NRXN2: variants seen among roughly 807,000 people sequenced by gnomAD.
The protein encoded by NRXN2 is neurexin-2-beta.
In NRXN2, 29 loss-of-function variants were observed where a neutral mutation model predicts 128.8. The ratio of observed to expected loss-of-function variants is 0.23; its 90% confidence interval spans 0.17 to 0.31. The LOEUF is 0.31. Ranked by LOEUF, NRXN2 falls within the 10% of genes least tolerant of loss-of-function variation. The probability of loss-of-function intolerance (pLI) is 1.00; values close to 1 mark genes in which losing one functional copy is unlikely to be tolerated. For synonymous variants in NRXN2, 1,098 were observed against 1,075.2 expected, an observed-to-expected ratio of 1.02 and a Z score of -0.41; for missense variants, 1,881 against 2,452.6, an observed-to-expected ratio of 0.77 and a Z score of 4.92.
intron 2 of NRXN2, among the ~76,000 whole-genome samples, chr11:64,702,338 G>C (rs1285222798): frequency 5.3e-5 from 8 of 152,148 alleles, no homozygotes; most frequent in Admixed American, 1.3e-4. Flanking sequence ...TGATGACAAT[G>C]GCGGTTTTGT....
chr11:64,713,516 T>G lies in NRXN2; in HGVS notation c.184A>C (p.Thr62Pro). ...ELSFSLRTNA[T>P]RALLLYLDDG... ...TCCAGGTAGAGCAGCAGCGCGCGCG[T>G]GGCGTTGGTGCGCAGGCTGAAGCTG... Residue 62 changes from threonine to proline, a missense_variant, in exon 2 of 23, where the codon ACG becomes CCG. Coordinates refer to ENST00000265459, the MANE Select transcript of NRXN2 (RefSeq NM_015080.4). 1 of 1,511,902 alleles carries G rather than the reference T, an allele frequency of 6.6e-7. No individual in the cohort carries two copies. The highest frequency in any genetic ancestry group is 1.2e-5 in the South Asian group (1 of 81,734). 93.7% of individuals were successfully genotyped at this position (1,511,902 alleles called of 1,614,324 possible).
chr11:64,611,693 C>A (rs1351172064), intron 22 of NRXN2, among the ~76,000 whole-genome samples: 1 of 152,196 alleles, frequency 6.6e-6, no homozygotes, highest in Non-Finnish European at 1.5e-5. Context: ...TCGGGTCACC[C>A]TTCTGCAGCC....
At chr11:64,618,818 C>T (rs2041908570) in intron 22 of NRXN2, among the ~76,000 whole-genome samples, 1 of 152,234 alleles carries the variant, frequency 6.6e-6, no homozygotes, top group Admixed American at 6.5e-5. Flanking sequence ...GGCAGCTCCC[C>T]TGAAGGTCCC....
chr11:64,612,143 C>T (rs1038073186), intron 22 of NRXN2, among the ~76,000 whole-genome samples: 1 of 152,164 alleles, frequency 6.6e-6, no homozygotes, highest in African/African-American at 2.4e-5. Context: ...CCGGATCACA[C>T]ACCAGTTCAG....
At chr11:64,656,341 C>T (rs746838266) in intron 11 of NRXN2, among the ~76,000 whole-genome samples, 37 of 149,794 alleles carry the variant, frequency 2.5e-4, no homozygotes, top group Non-Finnish European at 4.5e-4. Context: ...AAAACACAAA[C>T]GGGAGTTAGA....
intron 9 of NRXN2, chr11:64,661,412 CCTCAGCAAGTCCTCAGAGGATAGG>C: frequency 7.3e-7 from 1 of 1,370,362 alleles, no homozygotes; most frequent in Non-Finnish European, 9.4e-7. Flanking sequence ...CTCCTCCCCA[CCTCAGCAAGTCCTCAGAGGATAGG>C]CAGGAAGTGG....
chr11:64,614,818 C>A (rs541635348), intron 22 of NRXN2, among the ~76,000 whole-genome samples: 1 of 152,240 alleles, frequency 6.6e-6, no homozygotes, highest in South Asian at 2.1e-4. Context: ...ACATATGGGT[C>A]CCCATTCCAG....
chr11:64,641,906 CG>C (rs1431597521), intron 17 of NRXN2, among the ~76,000 whole-genome samples: 3 of 151,414 alleles, frequency 2.0e-5, no homozygotes, highest in Non-Finnish European at 4.4e-5. Context: ...GGGAGAATGG[CG>C]GGACAGTGGA....
rs537640109 is a variant in NRXN2, at chr11:64,715,537, C to T, written c.-244-1594G>A. On this transcript the variant is annotated intron_variant, in intron 1 of 22. Transcript: ENST00000265459. ...CCCCTAAAAAACCATAGTGAGGGGGCGTCTGGAGAGTGACACGTGTGCAGA... is the reference window on the plus strand; with the variant it reads ...CCCCTAAAAAACCATAGTGAGGGGGTGTCTGGAGAGTGACACGTGTGCAGA... 7.2e-5 allele frequency among the ~76,000 whole-genome samples: 11 copies of T among 152,208 alleles called. No homozygotes were observed. In the East Asian group the frequency reaches 1.7e-3, roughly 24 times the overall value.
chr11:64,629,308 C>T (rs2043525138), intron 19 of NRXN2, among the ~76,000 whole-genome samples: 1 of 152,162 alleles, frequency 6.6e-6, no homozygotes, highest in Non-Finnish European at 1.5e-5. Flanking sequence ...GCAGTTCTCC[C>T]TGCAGCGTTC....
At chr11:64,701,915 C>A (rs1200197203) in intron 2 of NRXN2, among the ~76,000 whole-genome samples, 4 of 141,762 alleles carry the variant, frequency 2.8e-5, no homozygotes, top group Non-Finnish European at 4.7e-5. Context: ...GGGGGGTCAG[C>A]CCCCCGCCCG....
chr11:64,711,326 GAGAGAA>G (rs2056862624), intron 2 of NRXN2, among the ~76,000 whole-genome samples: 1 of 152,220 alleles, frequency 6.6e-6, no homozygotes, highest in East Asian at 1.9e-4. Context: ...GGGACCAGGG[GAGAGAA>G]CGTCAGGCCT....
intron 20 of NRXN2, among the ~76,000 whole-genome samples, chr11:64,625,867 GC>G (rs1245860804): frequency 6.6e-6 from 1 of 152,158 alleles, no homozygotes; most frequent in Non-Finnish European, 1.5e-5. Context: ...CTTCTCAGAG[GC>G]CTTCTGGACT....
At position 64,713,325 on chromosome 11, in the gene NRXN2, C is replaced by A. The variant is rs1233202973; in HGVS notation, c.375G>T (p.Ala125=). The A allele has an allele frequency of 2.2e-6, 3 of 1,371,024 alleles. No homozygotes were observed. Among genetic ancestry groups the A allele is most frequent in the South Asian group, 1.7e-5 (1 of 59,306 alleles). The allele number at this position is 1,371,024 out of a possible 1,614,324, so 84.9% of individuals were successfully genotyped here. A position where few individuals can be genotyped will look rare whatever the true frequency, so the allele number is the denominator to read the frequency against. ...CGCGGGCCTCGCCGTCCACCGCCAG[C>A]GCCGTGCGGCGCGCGTCGCGGGTCA... ...VLLTRDARRT[A]LAVDGEARAA... Residue 125 remains alanine, a synonymous_variant, in exon 2 of 23, where the codon GCG becomes GCT. Coordinates refer to ENST00000265459, the MANE Select transcript of NRXN2 (RefSeq NM_015080.4).
chr11:64,654,973 T>C (rs2048035123), intron 11 of NRXN2, among the ~76,000 whole-genome samples: 1 of 152,180 alleles, frequency 6.6e-6, no homozygotes, highest in South Asian at 2.1e-4. Flanking sequence ...AGGTAGACAC[T>C]GGGTTGGCTT....
intron 12 of NRXN2, among the ~76,000 whole-genome samples, chr11:64,653,098 G>A (rs1390594799): frequency 6.6e-5 from 10 of 152,052 alleles, no homozygotes; most frequent in Admixed American, 6.6e-4. Context: ...GAGCCCAGGC[G>A]CACTGGGATG....
In NRXN2 at chr11:64,648,652, G is replaced by C. The variant is rs2047051645; in HGVS notation, c.3283+82C>G. Reference sequence around the variant, plus strand: ...AAGGAAGGCCCCTTGGCAGAGCAAAGGCTACCTGCCCCGGTCTGCCTCTGC... The same window carrying C: ...AAGGAAGGCCCCTTGGCAGAGCAAACGCTACCTGCCCCGGTCTGCCTCTGC... On this transcript the variant is annotated intron_variant, in intron 16 of 22. Coordinates refer to ENST00000265459, the MANE Select transcript of NRXN2 (RefSeq NM_015080.4). This position sits in a 1 kb window ranked among gnomAD's most constrained non-coding sequence, Gnocchi z 4.1. The C allele has an allele frequency of 6.3e-7, 1 of 1,576,796 alleles. No homozygotes were observed. Among genetic ancestry groups the C allele is most frequent in the African/African-American group, 1.3e-5 (1 of 74,250 alleles).
chr11:64,657,277 A>C (rs2048406854), intron 11 of NRXN2, among the ~76,000 whole-genome samples: 1 of 152,188 alleles, frequency 6.6e-6, no homozygotes, highest in Admixed American at 6.5e-5. Flanking sequence ...AGGCTGAAGG[A>C]GGTGACGCCT....
intron 12 of NRXN2, among the ~76,000 whole-genome samples, 177 bp downstream of exon 12, chr11:64,653,519 C>T (rs1487291978): frequency 1.3e-5 from 2 of 152,104 alleles, no homozygotes; most frequent in African/African-American, 4.8e-5. Context: ...GTCCCTCCTG[C>T]CTTCCACAAC....
Sources: allele counts gnomAD v4.1 joint callset (sites outside exome capture counted in the v4.1 genomes callset), GRCh38; gene constraint gnomAD v4.1.1; non-coding constraint Gnocchi (gnomAD v3.1); transcripts MANE v1.5; gene names NCBI Gene and HGNC (gene_info 2026-07-23, HGNC 2026-07-21).